LIN52: variants seen among roughly 807,000 people sequenced by gnomAD.
LIN52 encodes the protein lin-52 DREAM MuvB core complex component.
Under a neutral mutation model 18.5 loss-of-function variants are expected in LIN52, and 4 were observed. The observed-to-expected ratio is 0.22, with a 90% CI of 0.11 to 0.49. The LOEUF is 0.49. LIN52 is among the 20% of genes least tolerant of loss of function. LIN52 has a pLI of 0.97. For synonymous variants in LIN52, 34 were observed against 45.5 expected, an observed-to-expected ratio of 0.75 and a Z score of 1.02; for missense variants, 102 against 139.5, an observed-to-expected ratio of 0.73 and a Z score of 1.35.
Position 74,199,997 on chromosome 14 carries a change from T to C in LIN52, c.*1020T>C, listed in dbSNP as rs1055541605. 2.0e-5 allele frequency: 3 copies of C among 152,152 alleles called. No homozygotes were observed. The highest frequency in any genetic ancestry group is 4.4e-5 in the Non-Finnish European group (3 of 68,020). 9.4% of individuals were successfully genotyped at this position (152,152 alleles called of 1,614,324 possible). On this transcript the variant is annotated 3_prime_UTR_variant, in exon 6 of 6. Transcript: ENST00000555028. The stretch of plus-strand genomic sequence containing the variant: ...GTTCTTCACCACTTATCTGTCTCTG[T>C]TAAAATCTGAAAATCTAGCCCATGG...
intron 4 of LIN52, among the ~76,000 whole-genome samples, chr14:74,100,846 T>A (rs1214140028): frequency 6.6e-6 from 1 of 152,208 alleles, no homozygotes; most frequent in Non-Finnish European, 1.5e-5. Context: ...TGGGCTCAAG[T>A]GATCCTCTTG....
intron 3 of LIN52, among the ~76,000 whole-genome samples, chr14:74,096,967 G>A (rs1175398797): frequency 6.6e-6 from 1 of 152,162 alleles, no homozygotes; most frequent in Non-Finnish European, 1.5e-5. Flanking sequence ...ATAGTTTTAA[G>A]TTCACTTTCA....
At chr14:74,142,155 G>T (rs1211622924) in intron 5 of LIN52, among the ~76,000 whole-genome samples, 1 of 152,128 alleles carries the variant, frequency 6.6e-6, no homozygotes, top group Non-Finnish European at 1.5e-5. Context: ...AAATTGAATG[G>T]TAGAAATTCC....
At chr14:74,163,331 C>T (rs549283076) in intron 5 of LIN52, among the ~76,000 whole-genome samples, 2 of 152,188 alleles carry the variant, frequency 1.3e-5, no homozygotes, top group Non-Finnish European at 2.9e-5. Flanking sequence ...CCATCCACCT[C>T]TCTGCCTCCC....
intron 5 of LIN52, among the ~76,000 whole-genome samples, chr14:74,119,772 G>A (rs747184265): frequency 6.6e-6 from 1 of 151,076 alleles, no homozygotes; most frequent in Non-Finnish European, 1.5e-5. Flanking sequence ...AACATCTTTT[G>A]TGAAGTCCTT....
At chr14:74,098,757 A>G in intron 4 of LIN52, among the ~76,000 whole-genome samples, 1 of 152,088 alleles carries the variant, frequency 6.6e-6, no homozygotes, top group Non-Finnish European at 1.5e-5. Flanking sequence ...CATGTTGGCC[A>G]GGCTGGTCTC....
chr14:74,197,795 C>G lies in LIN52; in HGVS notation c.284-1127C>G, dbSNP rs118079726. The stretch of plus-strand genomic sequence containing the variant: ...GTGTAGTTTTTATTTCTTCATTGTA[C>G]AAGAAAACAAGAAACTGTTAAACTT... On this transcript the variant is annotated intron_variant, in intron 5 of 5. Coordinates refer to ENST00000555028, the MANE Select transcript of LIN52 (RefSeq NM_001024674.3). Among the ~76,000 whole-genome samples the G allele has an allele frequency of 8.2e-3, 1,252 of 152,286 alleles. 4 individuals are homozygous for G. The highest frequency in any genetic ancestry group is 0.023 in the South Asian group (109 of 4,826).
chr14:74,117,570 C>G (rs2060972634), intron 5 of LIN52, among the ~76,000 whole-genome samples: 1 of 151,880 alleles, frequency 6.6e-6, no homozygotes, highest in African/African-American at 2.4e-5. Flanking sequence ...AGTTCAGTTT[C>G]TTTCCAGGCT....
chr14:74,152,959 C>CAAAAAAAAAAAAAAAAAAAAA lies in LIN52; in HGVS notation c.284-45960_284-45940dup, dbSNP rs1189515836. ...GGGGCAACAAAGCAAGACTCTGTCT[C>CAAAAAAAAAAAAAAAAAAAAA]AAAAAAAAAAAAAAAAAAAAAAAGC... On this transcript the variant is annotated intron_variant, in intron 5 of 5. Coordinates refer to ENST00000555028, the MANE Select transcript of LIN52 (RefSeq NM_001024674.3). Among the ~76,000 whole-genome samples, 2 of 41,556 alleles carry CAAAAAAAAAAAAAAAAAAAAA rather than the reference C, an allele frequency of 4.8e-5. 1 individual carries two copies. The allele number at this position is 41,556 out of a possible 152,430, so 27.3% of individuals were successfully genotyped here.
chr14:74,175,751 C>CACACACACACA (rs778907221), intron 5 of LIN52, among the ~76,000 whole-genome samples: 2 of 130,184 alleles, frequency 1.5e-5, no homozygotes, highest in East Asian at 2.2e-4. Flanking sequence ...CACACACACA[C>CACACACACACA]CCCCATTATA....
At chr14:74,191,726 C>T (rs1475479863) in intron 5 of LIN52, among the ~76,000 whole-genome samples, 4 of 151,742 alleles carry the variant, frequency 2.6e-5, no homozygotes, top group Admixed American at 6.6e-5. Flanking sequence ...CTCCGCCTCC[C>T]GGGTTCACGC....
chr14:74,128,249 G>C (rs2061039048), intron 5 of LIN52, among the ~76,000 whole-genome samples: 2 of 152,136 alleles, frequency 1.3e-5, no homozygotes, highest in East Asian at 3.9e-4. Context: ...TTGAAGAAAT[G>C]GAGCTGAGAG....
In LIN52 at chr14:74,097,685, C is replaced by T. The variant is rs910119992; in HGVS notation, c.133-109C>T. The T allele has an allele frequency of 2.5e-5, 18 of 724,330 alleles. No individual in the cohort carries two copies. In the East Asian group the frequency reaches 4.1e-4, roughly 16 times the overall value. 44.9% of individuals were successfully genotyped at this position (724,330 alleles called of 1,614,324 possible). Reference sequence around the variant, plus strand: ...TCCTGACTCCTGACCTCAAGTAATCCGCCCACCTTGGCAGCCACCGCATCC... The same window carrying T: ...TCCTGACTCCTGACCTCAAGTAATCTGCCCACCTTGGCAGCCACCGCATCC... On this transcript the variant is annotated intron_variant, in intron 3 of 5. Transcript: ENST00000555028.
At chr14:74,165,413 T>C (rs1454992577) in intron 5 of LIN52, among the ~76,000 whole-genome samples, 1 of 152,072 alleles carries the variant, frequency 6.6e-6, no homozygotes, top group African/African-American at 2.4e-5. Flanking sequence ...GCATATTATT[T>C]AGTCATTTAA....
chr14:74,116,979 G>GA (rs1353734026), intron 5 of LIN52, among the ~76,000 whole-genome samples: 1 of 151,308 alleles, frequency 6.6e-6, no homozygotes, highest in Admixed American at 6.6e-5. Flanking sequence ...TGTTGAATAG[G>GA]AAAAAAATAC....
intron 5 of LIN52, among the ~76,000 whole-genome samples, chr14:74,180,834 C>T (rs1340231785): frequency 6.6e-6 from 1 of 152,090 alleles, no homozygotes; most frequent in Non-Finnish European, 1.5e-5. Flanking sequence ...CCTGGCTGGG[C>T]ACAGTGGCTT....
chr14:74,181,811 A>G (rs1318657856), intron 5 of LIN52, among the ~76,000 whole-genome samples: 4 of 152,208 alleles, frequency 2.6e-5, no homozygotes, highest in African/African-American at 9.6e-5. Flanking sequence ...ATTTCTAATC[A>G]CAGGGAAAAT....
intron 1 of LIN52, 46 bp downstream of exon 1, chr14:74,085,039 T>C (rs768988041): frequency 1.5e-6 from 2 of 1,351,296 alleles, no homozygotes; most frequent in Non-Finnish European, 9.6e-7. Context: ...CCTTCTTTGC[T>C]CTACTGGGAA....
At chr14:74,152,108 C>A (rs558724403) in intron 5 of LIN52, among the ~76,000 whole-genome samples, 2 of 152,082 alleles carry the variant, frequency 1.3e-5, no homozygotes, top group East Asian at 3.9e-4. Flanking sequence ...ATTAAAAATA[C>A]AAAAATTAGC....
Sources: gnomAD v4.1 joint callset for allele counts (sites outside exome capture counted in the v4.1 genomes callset) on GRCh38, gnomAD v4.1.1 for gene constraint, MANE v1.5 for transcripts, NCBI Gene and HGNC (gene_info 2026-07-23, HGNC 2026-07-21) for gene names.